The following PDE11A variants were observed in gnomAD, a reference collection of about 807,000 sequenced individuals.
PDE11A encodes phosphodiesterase 11A, also known as dual 3',5'-cyclic-AMP and -GMP phosphodiesterase 11A.
In PDE11A, 100 loss-of-function variants were observed where a neutral mutation model predicts 100.5. The ratio of observed to expected loss-of-function variants is 1.00; its 90% confidence interval spans 0.85 to 1.18. The LOEUF (loss-of-function observed/expected upper bound fraction) is 1.18. PDE11A is among the 50% of genes most tolerant of loss of function. PDE11A has a pLI of 0.00. For missense variants in PDE11A, 1,141 were observed against 1,152.6 expected (o/e 0.99, Z 0.15); for synonymous variants, 381 against 420.8 (o/e 0.91, Z 1.16).
At chr2:178,097,161 C>G (rs2087503420) in intron 2 of PDE11A, among the ~76,000 whole-genome samples, 2 of 152,224 alleles carry the variant, frequency 1.3e-5, no homozygotes, top group Admixed American at 1.3e-4. Context: ...GCTGGGATTA[C>G]AGGTGTGAGC....
At chr2:177,827,475 G>T (rs1188903358) in intron 6 of PDE11A, among the ~76,000 whole-genome samples, 1 of 152,160 alleles carries the variant, frequency 6.6e-6, no homozygotes, top group Admixed American at 6.5e-5. Context: ...CTATTTAAAT[G>T]TTGAGTCCAA....
At chr2:177,828,338 A>T (rs2083258797) in intron 6 of PDE11A, among the ~76,000 whole-genome samples, 1 of 152,218 alleles carries the variant, frequency 6.6e-6, no homozygotes, top group South Asian at 2.1e-4. Flanking sequence ...TATATTTGAC[A>T]ATATTGAACA....
intron 1 of PDE11A, among the ~76,000 whole-genome samples, chr2:178,045,142 GT>G (rs1467387898): frequency 6.6e-6 from 1 of 151,986 alleles, no homozygotes; most frequent in Non-Finnish European, 1.5e-5. Flanking sequence ...AGAGCTTCAG[GT>G]TTTTTCTCAG....
chr2:177,645,561 A>G lies in PDE11A; in HGVS notation c.2647-15999T>C, dbSNP rs113580269. Among the ~76,000 whole-genome samples the G allele has an allele frequency of 3.3e-5, 5 of 152,294 alleles. No homozygotes were observed. The East Asian group carries it at 9.6e-4, about 29-fold the overall frequency. The stretch of plus-strand genomic sequence containing the variant: ...AGCAGTATAGCATTGGCTTTTCTAG[A>G]TTATTTTTATTTTTTACTAGGAGCT... On this transcript the variant is annotated intron_variant, in intron 19 of 19. Coordinates refer to ENST00000286063, the MANE Select transcript of PDE11A (RefSeq NM_016953.4).
At chr2:177,862,569 C>T (rs1463137617) in intron 5 of PDE11A, among the ~76,000 whole-genome samples, 1 of 151,678 alleles carries the variant, frequency 6.6e-6, no homozygotes, top group Non-Finnish European at 1.5e-5. Context: ...AAGAAGACAT[C>T]CAGCAAACAG....
At chr2:177,809,441 A>G (rs539942511) in intron 9 of PDE11A, among the ~76,000 whole-genome samples, 1 of 152,284 alleles carries the variant, frequency 6.6e-6, no homozygotes, top group South Asian at 2.1e-4. Flanking sequence ...GGAGAGGCAA[A>G]CCCACAAGTA....
chr2:177,915,812 C>G (rs906631152), intron 2 of PDE11A, among the ~76,000 whole-genome samples: 1 of 152,196 alleles, frequency 6.6e-6, no homozygotes. Flanking sequence ...GCATTCCCAC[C>G]CTTTCCTATG....
At chr2:178,055,894 G>GA (rs545817036) in intron 1 of PDE11A, among the ~76,000 whole-genome samples, 444 of 151,390 alleles carry the variant, frequency 2.9e-3, no homozygotes, top group African/African-American at 0.01. Context: ...TTCTAGGAAA[G>GA]AAAAAAAAGT....
chr2:177,672,933 C>T (rs997303210), intron 17 of PDE11A, among the ~76,000 whole-genome samples: 1 of 152,198 alleles, frequency 6.6e-6, no homozygotes, highest in South Asian at 2.1e-4. Flanking sequence ...AGGTAGTTTG[C>T]AGCATATCCT....
rs536395630 is a variant in PDE11A, at chr2:177,835,122, C to A, written c.1500+5129G>T. 4.5e-4 allele frequency among the ~76,000 whole-genome samples: 68 copies of A among 152,278 alleles called. 2 individuals carry two copies. In the South Asian group the frequency reaches 0.013, roughly 30 times the overall value. ...TTAACGTGAGTGGAAGCTGCACTGACACCTATCGATAGCACCCTGTCAAGG... is the reference window on the plus strand; with the variant it reads ...TTAACGTGAGTGGAAGCTGCACTGAAACCTATCGATAGCACCCTGTCAAGG... On this transcript the variant is annotated intron_variant, in intron 6 of 19. Coordinates refer to ENST00000286063, the MANE Select transcript of PDE11A (RefSeq NM_016953.4).
intron 4 of PDE11A, among the ~76,000 whole-genome samples, chr2:177,884,224 T>C (rs947372808): frequency 6.6e-6 from 1 of 152,226 alleles, no homozygotes; most frequent in Non-Finnish European, 1.5e-5. Flanking sequence ...CCTATCACTG[T>C]TCCAGAATTG....
intron 2 of PDE11A, among the ~76,000 whole-genome samples, chr2:177,972,145 G>A (rs1459639870): frequency 5.3e-5 from 8 of 152,132 alleles, no homozygotes. Flanking sequence ...AGGTAAAAGT[G>A]GTAGACAATG....
intron 7 of PDE11A, among the ~76,000 whole-genome samples, chr2:177,819,925 A>T (rs59406093): frequency 1.7e-3 from 222 of 127,506 alleles, no homozygotes; most frequent in South Asian, 2.0e-3. Context: ...TTTTTTTTTC[A>T]CTCTCTGCCT....
At chr2:177,681,873 G>T (rs1164940841) in intron 15 of PDE11A, among the ~76,000 whole-genome samples, 4 of 152,120 alleles carry the variant, frequency 2.6e-5, no homozygotes, top group African/African-American at 9.7e-5. Context: ...GGCCCTAAAA[G>T]AAATCAAAGT....
intron 1 of PDE11A, among the ~76,000 whole-genome samples, chr2:178,027,153 T>A (rs950475305): frequency 6.6e-6 from 1 of 152,152 alleles, no homozygotes; most frequent in Non-Finnish European, 1.5e-5. Flanking sequence ...AAAAGTCTTT[T>A]AAAAATTTTT....
chr2:177,672,764 C>A (rs2080702292), intron 17 of PDE11A, among the ~76,000 whole-genome samples: 1 of 152,088 alleles, frequency 6.6e-6, no homozygotes, highest in Non-Finnish European at 1.5e-5. Flanking sequence ...TGGAAATAGT[C>A]GCAAATTCAG....
At chr2:177,647,423 A>T (rs1482779570) in intron 19 of PDE11A, among the ~76,000 whole-genome samples, 1 of 152,218 alleles carries the variant, frequency 6.6e-6, no homozygotes, top group Non-Finnish European at 1.5e-5. Context: ...AAGTCACTAT[A>T]GGACCTCAAA....
chr2:177,946,069 G>A (rs1483483079), intron 2 of PDE11A, among the ~76,000 whole-genome samples: 22 of 116,438 alleles, frequency 1.9e-4, no homozygotes, highest in Middle Eastern at 8.9e-3. Context: ...TCAGCCCCCC[G>A]CCTGGCCAGC....
intron 1 of PDE11A, among the ~76,000 whole-genome samples, chr2:178,044,856 T>G (rs947875445): frequency 1.3e-5 from 2 of 152,170 alleles, no homozygotes; most frequent in Non-Finnish European, 2.9e-5. Flanking sequence ...CTAGATGTTT[T>G]TTTGGGGGAT....
Sources: gnomAD v4.1 joint callset for allele counts (sites outside exome capture counted in the v4.1 genomes callset) on GRCh38, gnomAD v4.1.1 for gene constraint, MANE v1.5 for transcripts, NCBI Gene and HGNC (gene_info 2026-07-23, HGNC 2026-07-21) for gene names.